Variants in XPO7 observed in about 807,000 individuals in gnomAD.
The protein encoded by XPO7 is exportin-7.
XPO7 carries 21 observed loss-of-function variants against 144.3 expected under a neutral mutation model. The observed-to-expected ratio is 0.15, with a 90% CI of 0.10 to 0.21. XPO7 has a LOEUF of 0.21. XPO7 is among the 10% of genes least tolerant of loss of function. The pLI is 1.00. For missense variants in XPO7, 808 were observed against 1,325.8 expected, an observed-to-expected ratio of 0.61 and a Z score of 6.06; for synonymous variants, 580 against 499.6, an observed-to-expected ratio of 1.16 and a Z score of -2.15.
At chr8:21,924,455 C>G (rs996471308) in intron 1 of XPO7, among the ~76,000 whole-genome samples, 8 of 151,954 alleles carry the variant, frequency 5.3e-5, no homozygotes, top group South Asian at 2.1e-4. Context: ...CCTCCCCCCC[C>G]CACCCCACTA....
chr8:21,995,449 C>T (rs1456076103), intron 20 of XPO7, 43 bp from the exon 21 acceptor site: 11 of 1,521,964 alleles, frequency 7.2e-6, no homozygotes, highest in African/African-American at 1.4e-5. Context: ...AAATTCTGTA[C>T]CTTTCTGGAA....
chr8:21,965,511 T>G (rs1452498307), intron 1 of XPO7, among the ~76,000 whole-genome samples: 1 of 152,206 alleles, frequency 6.6e-6, no homozygotes, highest in East Asian at 1.9e-4. Context: ...AAGTTAAACA[T>G]AAGCCTAATC....
At chr8:21,971,356 G>GGAA (rs1182806548) in intron 4 of XPO7, among the ~76,000 whole-genome samples, 1 of 152,020 alleles carries the variant, frequency 6.6e-6, no homozygotes, top group Admixed American at 6.5e-5. Flanking sequence ...CCTCAGCCCT[G>GGAA]GAAGCTAAAC....
chr8:21,931,975 C>A (rs1200723814), intron 1 of XPO7, among the ~76,000 whole-genome samples: 1 of 152,096 alleles, frequency 6.6e-6, no homozygotes, highest in African/African-American at 2.4e-5. Context: ...TGGGTTCAAG[C>A]GATTTTCCTG....
chr8:22,004,955 C>T, intron 27 of XPO7, 40 bp from the exon 28 acceptor site: 1 of 1,116,394 alleles, frequency 9.0e-7, no homozygotes, highest in Non-Finnish European at 1.3e-6. Flanking sequence ...ACCTTTCCCC[C>T]CCACTCTCCT....
Position 21,995,547 on chromosome 8 carries a change from C to G in XPO7, c.2293C>G (p.Pro765Ala), listed in dbSNP as rs762542166. ...GGCAATTGAGCTCTGGTACCATGATCCAGCCTGTACTACACCTGTACTCAA... is the reference window on the plus strand; with the variant it reads ...GGCAATTGAGCTCTGGTACCATGATGCAGCCTGTACTACACCTGTACTCAA... Reference protein sequence around the residue: ...QRAIELWYHDPACTTPVLKLM... With the variant: ...QRAIELWYHDAACTTPVLKLM... The change falls in exon 21 of 28, where the codon CCA becomes GCA. Residue 765 changes from proline to alanine, a missense_variant. Physicochemically the swap from Pro to Ala is conservative, Grantham distance 27. This residue lies in a region of XPO7 where 416 missense variants were observed against 612.5 expected (regional missense o/e 0.68). Coordinates refer to ENST00000252512, the MANE Select transcript of XPO7 (RefSeq NM_015024.5). 1.2e-6 allele frequency: 2 copies of G among 1,610,030 alleles called. No homozygotes were observed. Among genetic ancestry groups the G allele is most frequent in the Non-Finnish European group, 1.7e-6 (2 of 1,178,124 alleles).
At chr8:21,955,231 G>T (rs1811497866) in intron 1 of XPO7, among the ~76,000 whole-genome samples, 1 of 152,188 alleles carries the variant, frequency 6.6e-6, no homozygotes, top group South Asian at 2.1e-4. Context: ...TCCATAAAAG[G>T]AATTAAACAA....
intron 1 of XPO7, among the ~76,000 whole-genome samples, chr8:21,941,278 C>T (rs1054709134): frequency 2.0e-5 from 3 of 151,902 alleles, no homozygotes; most frequent in Non-Finnish European, 2.9e-5. Context: ...CTCGGTCTCC[C>T]TAGAAGGTGA....
intron 24 of XPO7, among the ~76,000 whole-genome samples, chr8:22,000,456 T>C (rs1813102492): frequency 6.7e-6 from 1 of 149,198 alleles, no homozygotes; most frequent in South Asian, 2.1e-4. Context: ...TCCAACAATT[T>C]TTTTTTTTTT....
Position 21,924,598 on chromosome 8 carries a change from C to A in XPO7, c.18+4810C>A, listed in dbSNP as rs142757408. ...TATACAGCTTTGGGGGGATTTATTT[C>A]ATAATATGATGGAAGCTATGTTACT... On this transcript the variant is annotated intron_variant, in intron 1 of 27. Transcript: ENST00000252512. 5.4e-3 allele frequency among the ~76,000 whole-genome samples: 822 copies of A among 152,196 alleles called. 6 individuals carry two copies. The highest frequency in any genetic ancestry group is 0.019 in the African/African-American group (778 of 41,504).
intron 21 of XPO7, among the ~76,000 whole-genome samples, chr8:21,996,800 A>G (rs940193170): frequency 1.4e-4 from 21 of 151,640 alleles, no homozygotes; most frequent in Admixed American, 1.4e-3. Context: ...TTTTTATTTT[A>G]TTTATTTATT....
At chr8:21,951,090 TTTAATTAATTAATTAA>T (rs200902908) in intron 1 of XPO7, among the ~76,000 whole-genome samples, 1 of 151,788 alleles carries the variant, frequency 6.6e-6, no homozygotes, top group African/African-American at 2.4e-5. Flanking sequence ...AGCGAGTAAA[TTTAATTAATTAATTAA>T]TTAATTAATT....
chr8:21,981,662 A>G, intron 9 of XPO7, 69 bp from the exon 10 acceptor site: 1 of 1,581,586 alleles, frequency 6.3e-7, no homozygotes. Context: ...TGCCATCTCA[A>G]GTATACATCA....
chr8:21,922,238 C>T (rs994841680), intron 1 of XPO7, among the ~76,000 whole-genome samples: 1 of 152,062 alleles, frequency 6.6e-6, no homozygotes, highest in Non-Finnish European at 1.5e-5. Flanking sequence ...CTCGGGTTCT[C>T]TCAGGCTGAT....
At chr8:22,000,971 T>G (rs890546711) in intron 24 of XPO7, among the ~76,000 whole-genome samples, 1 of 152,142 alleles carries the variant, frequency 6.6e-6, no homozygotes, top group Non-Finnish European at 1.5e-5. Context: ...CCGTATCTAG[T>G]ACAGTCCAAT....
At chr8:21,930,249 A>G (rs1296358281) in intron 1 of XPO7, among the ~76,000 whole-genome samples, 1 of 152,214 alleles carries the variant, frequency 6.6e-6, no homozygotes, top group African/African-American at 2.4e-5. Context: ...ATTTGGTGAG[A>G]TACACACATC....
At chr8:21,945,227 G>A (rs13280086) in intron 1 of XPO7, among the ~76,000 whole-genome samples, 1 of 152,238 alleles carries the variant, frequency 6.6e-6, no homozygotes, top group Non-Finnish European at 1.5e-5. Context: ...TGGCGGCCGG[G>A]CGGGGGCTGC....
chr8:21,921,677 T>TG lies in XPO7; in HGVS notation c.18+1889_18+1890insG. ...TGTTCTCCCACTCACCACTCAAAAA[T>TG]CTACGGAAGTAAGAATTTATTAACT... On this transcript the variant is annotated intron_variant, in intron 1 of 27. Transcript: ENST00000252512. 3 of 152,316 alleles carry TG rather than the reference T, an allele frequency of 2.0e-5. 1 individual carries two copies. The highest frequency in any genetic ancestry group is 2.0e-4 in the Admixed American group (3 of 15,308). The allele number at this position is 152,316 out of a possible 1,614,324, so 9.4% of individuals were successfully genotyped here. A position where few individuals can be genotyped will look rare whatever the true frequency, so the allele number is the denominator to read the frequency against.
At chr8:21,941,857 G>A (rs752322685) in intron 1 of XPO7, among the ~76,000 whole-genome samples, 14 of 152,110 alleles carry the variant, frequency 9.2e-5, no homozygotes, top group African/African-American at 1.9e-4. Context: ...TTAAATTTTC[G>A]TTGTTGTTGT....
Sources: allele counts gnomAD v4.1 joint callset (sites outside exome capture counted in the v4.1 genomes callset), GRCh38; gene constraint gnomAD v4.1.1; regional missense constraint gnomAD v4.1.1; transcripts MANE v1.5; gene names NCBI Gene and HGNC (gene_info 2026-07-23, HGNC 2026-07-21).